CATSPERE: variants seen among roughly 807,000 people sequenced by gnomAD.
CATSPERE encodes catsper channel auxiliary subunit epsilon.
A neutral mutation model predicts 114.1 loss-of-function variants in CATSPERE; 93 were observed. The observed-to-expected ratio is 0.81, with a 90% CI of 0.69 to 0.97. CATSPERE has a LOEUF of 0.97. Among genes scored for constraint, CATSPERE ranks in the 50% least tolerant of loss-of-function variants. CATSPERE has a pLI of 0.00. For missense variants in CATSPERE, 1,058 were observed against 1,131.6 expected (o/e 0.93, Z 0.93); for synonymous variants, 341 against 384.1 (o/e 0.89, Z 1.31).
At chr1:244,460,408 C>G (rs913940063), upstream of CATSPERE, among the ~76,000 whole-genome samples, 1 of 152,148 alleles carries the variant, frequency 6.6e-6, no homozygotes, top group African/African-American at 2.4e-5. Flanking sequence ...CTTGTGGCCC[C>G]ACCCAGGAAG....
intron 17 of CATSPERE, among the ~76,000 whole-genome samples, chr1:244,596,163 T>A (rs1233340104): frequency 6.6e-6 from 1 of 152,180 alleles, no homozygotes; most frequent in African/African-American, 2.4e-5. Flanking sequence ...TACATTTGCA[T>A]AAGACATTCC....
At chr1:244,474,337 C>T (rs3127469) in intron 2 of CATSPERE, among the ~76,000 whole-genome samples, 36,132 of 151,976 alleles carry the variant, frequency 0.24, 5,075 homozygotes, top group East Asian at 0.5. Context: ...CAGTTTACTG[C>T]TTAACAACCA....
At chr1:244,526,362 T>C (rs556629309) in intron 8 of CATSPERE, among the ~76,000 whole-genome samples, 10 of 151,702 alleles carry the variant, frequency 6.6e-5, no homozygotes, top group East Asian at 1.9e-4. Flanking sequence ...TAAGCTATGA[T>C]TGGGCCACTA....
chr1:244,593,617 A>G, intron 17 of CATSPERE, 39 bp downstream of exon 17: 3 of 1,534,470 alleles, frequency 2.0e-6, no homozygotes, highest in Non-Finnish European at 2.7e-6. Context: ...TTATATTGAA[A>G]GTTTCAAACT....
At chr1:244,508,527 C>T (rs572270467) in intron 7 of CATSPERE, among the ~76,000 whole-genome samples, 11 of 151,572 alleles carry the variant, frequency 7.3e-5, no homozygotes, top group African/African-American at 2.2e-4. Context: ...GGTCTCAATA[C>T]CCTGACCTTG....
intron 8 of CATSPERE, among the ~76,000 whole-genome samples, chr1:244,538,914 A>G (rs1307844992): frequency 1.3e-5 from 2 of 152,018 alleles, no homozygotes; most frequent in Non-Finnish European, 2.9e-5. Flanking sequence ...CATTCTGGCA[A>G]ATGGGGCACC....
chr1:244,452,144 G>C (rs2148025788), upstream of CATSPERE: 1 of 213,998 alleles, frequency 4.7e-6, no homozygotes, highest in African/African-American at 2.3e-5. Flanking sequence ...TGCAAACCTC[G>C]CGAGCGGAAA....
At chr1:244,490,353 C>G (rs1671832884) in intron 5 of CATSPERE, 94 bp from the exon 6 acceptor site, 1 of 795,264 alleles carries the variant, frequency 1.3e-6, no homozygotes, top group Non-Finnish European at 2.0e-6. Context: ...AGAGAATATG[C>G]AAAGGTTTAG....
chr1:244,545,972 G>A (rs953867882), intron 8 of CATSPERE, among the ~76,000 whole-genome samples: 1 of 152,194 alleles, frequency 6.6e-6, no homozygotes, highest in African/African-American at 2.4e-5. Context: ...GTTTACAGAT[G>A]GCTTTGCATG....
At chr1:244,577,976 A>T (rs1218386632) in intron 11 of CATSPERE, among the ~76,000 whole-genome samples, 2 of 152,242 alleles carry the variant, frequency 1.3e-5, no homozygotes, top group African/African-American at 4.8e-5. Flanking sequence ...ATAAAGTATG[A>T]TAAATAAAAT....
At chr1:244,533,209 A>G (rs1679884021) in intron 8 of CATSPERE, among the ~76,000 whole-genome samples, 1 of 152,082 alleles carries the variant, frequency 6.6e-6, no homozygotes, top group Admixed American at 6.6e-5. Flanking sequence ...TGCATTGAAT[A>G]TATTTTTCCA....
At chr1:244,529,892 G>T (rs1679316816) in intron 8 of CATSPERE, among the ~76,000 whole-genome samples, 1 of 151,940 alleles carries the variant, frequency 6.6e-6, no homozygotes, top group Admixed American at 6.6e-5. Context: ...TTTGTATATG[G>T]CAAGAGATAG....
At chr1:244,549,506 CAT>C (rs1366252598) in intron 8 of CATSPERE, among the ~76,000 whole-genome samples, 1 of 152,020 alleles carries the variant, frequency 6.6e-6, no homozygotes, top group Non-Finnish European at 1.5e-5. Flanking sequence ...TGTAACATAA[CAT>C]GTATTAACTT....
intron 9 of CATSPERE, among the ~76,000 whole-genome samples, chr1:244,553,262 G>A (rs550677545): frequency 7.9e-5 from 12 of 152,112 alleles, no homozygotes; most frequent in African/African-American, 2.7e-4. Flanking sequence ...ACTTTGAAAT[G>A]TTAAAAATAT....
At position 244,515,225 on chromosome 1, in the gene CATSPERE, G is replaced by A. The variant is rs763867801; in HGVS notation, c.430-3367G>A. On this transcript the variant is annotated intron_variant, in intron 7 of 21. Transcript: ENST00000366534. ...TTTTCCTGTCAATTCCTCAAGCATA[G>A]TAACTCCTCTCCCACCTCAGGGACT... 385 of 493,208 alleles carry A rather than the reference G, an allele frequency of 7.8e-4. 1 individual carries two copies. The highest frequency in any genetic ancestry group is 8.6e-4 in the Non-Finnish European group (327 of 380,526). The allele number at this position is 493,208 out of a possible 1,614,324, so 30.6% of individuals were successfully genotyped here.
chr1:244,527,309 G>GC (rs1678799367), intron 8 of CATSPERE, among the ~76,000 whole-genome samples: 1 of 152,138 alleles, frequency 6.6e-6, no homozygotes, highest in African/African-American at 2.4e-5. Context: ...CCTCAGGGAC[G>GC]CATTCTCTTT....
intron 10 of CATSPERE, among the ~76,000 whole-genome samples, chr1:244,565,987 T>A (rs1663407435): frequency 6.6e-6 from 1 of 151,580 alleles, no homozygotes; most frequent in African/African-American, 2.4e-5. Context: ...CTATAAACAC[T>A]GCTTTAGCTC....
intron 2 of CATSPERE, 151 bp downstream of exon 2, chr1:244,464,107 C>T: frequency 1.6e-6 from 1 of 622,762 alleles, no homozygotes; most frequent in Non-Finnish European, 2.8e-6. Context: ...ACATAGGTCC[C>T]CTCCTTAATC....
At chr1:244,586,733 T>C (rs1572888968) in intron 13 of CATSPERE, among the ~76,000 whole-genome samples, 1 of 152,292 alleles carries the variant, frequency 6.6e-6, no homozygotes, top group East Asian at 1.9e-4. Context: ...AGATTTGCTT[T>C]GTGGAAATGT....
Sources: gnomAD v4.1 joint callset for allele counts (sites outside exome capture counted in the v4.1 genomes callset) on GRCh38, gnomAD v4.1.1 for gene constraint, MANE v1.5 for transcripts, NCBI Gene and HGNC (gene_info 2026-07-23, HGNC 2026-07-21) for gene names.